The following CNTN5 variants were observed in gnomAD, a reference collection of about 807,000 sequenced individuals.
CNTN5 encodes contactin-5.
CNTN5 carries 77 observed loss-of-function variants against 129.1 expected under a neutral mutation model. The observed-to-expected ratio is 0.60, with a 90% CI of 0.50 to 0.72. CNTN5 has a LOEUF of 0.72. CNTN5 is among the 30% of genes least tolerant of loss of function. The pLI is 0.00. For synonymous variants in CNTN5, 509 were observed against 465.6 expected (o/e 1.09, Z -1.20); for missense variants, 1,478 against 1,328.8 (o/e 1.11, Z -1.75).
At chr11:99,405,124 T>A (rs1301970670) in intron 2 of CNTN5, among the ~76,000 whole-genome samples, 1 of 152,208 alleles carries the variant, frequency 6.6e-6, no homozygotes, top group African/African-American at 2.4e-5. Flanking sequence ...CATTTGTTTC[T>A]TTTCTCTTGC....
At chr11:99,588,973 A>G (rs1185719492) in intron 3 of CNTN5, among the ~76,000 whole-genome samples, 1 of 152,216 alleles carries the variant, frequency 6.6e-6, no homozygotes, top group Non-Finnish European at 1.5e-5. Context: ...TAGGCTTGAT[A>G]TTTTTGTGTA....
intron 2 of CNTN5, among the ~76,000 whole-genome samples, chr11:99,455,460 A>T (rs1270297826): frequency 6.6e-6 from 1 of 151,720 alleles, no homozygotes; most frequent in Non-Finnish European, 1.5e-5. Flanking sequence ...TAAAAAAAAC[A>T]TAAGAATTAT....
intron 2 of CNTN5, among the ~76,000 whole-genome samples, chr11:99,370,956 A>T (rs564480081): frequency 6.6e-6 from 1 of 152,278 alleles, no homozygotes; most frequent in South Asian, 2.1e-4. Context: ...TATTCGTGGC[A>T]CTTGATTTCC....
chr11:99,826,551 C>A lies in CNTN5; in HGVS notation c.277+6786C>A, dbSNP rs149879504. Among the ~76,000 whole-genome samples, 445 of 152,106 alleles carry A rather than the reference C, an allele frequency of 2.9e-3. 3 individuals carry two copies. Among genetic ancestry groups the A allele is most frequent in the Admixed American group, 7.3e-3 (112 of 15,272 alleles). ...TCAAATTTAACCTGTGTTGTATGAT[C>A]GGGTGAAGCAAAATTGAGGAAGTGA... On this transcript the variant is annotated intron_variant, in intron 4 of 24. Coordinates refer to ENST00000524871, the MANE Select transcript of CNTN5 (RefSeq NM_014361.4).
At chr11:99,934,898 G>GTGTGTGTGTA (rs1565693917) in intron 7 of CNTN5, among the ~76,000 whole-genome samples, 1 of 67,950 alleles carries the variant, frequency 1.5e-5, no homozygotes, top group Non-Finnish European at 2.5e-5. Flanking sequence ...GTGTGTGTGT[G>GTGTGTGTGTA]TATATATATA....
At chr11:100,101,161 A>G (rs1945210413) in intron 13 of CNTN5, among the ~76,000 whole-genome samples, 1 of 152,096 alleles carries the variant, frequency 6.6e-6, no homozygotes, top group African/African-American at 2.4e-5. Context: ...AAAAATGGAG[A>G]TTTGCATCAA....
intron 10 of CNTN5, among the ~76,000 whole-genome samples, chr11:100,068,011 C>T (rs930794256): frequency 6.6e-6 from 1 of 152,094 alleles, no homozygotes; most frequent in East Asian, 1.9e-4. Context: ...AATATTTTAA[C>T]TGTTCTTTCT....
chr11:99,425,004 CA>C (rs949664082), intron 2 of CNTN5, among the ~76,000 whole-genome samples: 2 of 152,142 alleles, frequency 1.3e-5, no homozygotes, highest in African/African-American at 4.8e-5. Flanking sequence ...AGAGGAAACC[CA>C]TAGTGGGTAG....
chr11:100,114,946 C>A (rs898534124), intron 13 of CNTN5, among the ~76,000 whole-genome samples: 4 of 151,850 alleles, frequency 2.6e-5, no homozygotes, highest in African/African-American at 9.7e-5. Context: ...TCCCACTCCA[C>A]TCCACCCACC....
intron 24 of CNTN5, among the ~76,000 whole-genome samples, chr11:100,351,656 G>A (rs1242938174): frequency 8.9e-4 from 64 of 72,220 alleles, no homozygotes; most frequent in African/African-American, 3.7e-3. Context: ...CGTAGAGATA[G>A]TAAAAAAAAA....
chr11:99,841,139 G>T (rs974878963), intron 4 of CNTN5, among the ~76,000 whole-genome samples: 1 of 152,016 alleles, frequency 6.6e-6, no homozygotes, highest in Non-Finnish European at 1.5e-5. Context: ...TTATGTTGAC[G>T]CACTGGCTTA....
intron 1 of CNTN5, among the ~76,000 whole-genome samples, chr11:99,171,274 C>A (rs1861136888): frequency 6.6e-6 from 1 of 152,138 alleles, no homozygotes; most frequent in Admixed American, 6.6e-5. Flanking sequence ...CTAGACCACA[C>A]ACAAAATTTG....
rs532724765 is a variant in CNTN5 at position 100,286,102 on chromosome 11, C to A, written c.2315-11523C>A. Among the ~76,000 whole-genome samples the A allele has an allele frequency of 2.6e-5, 4 of 152,328 alleles. No individual in the cohort carries two copies. The South Asian group carries it at 8.3e-4, about 32-fold the overall frequency. On this transcript the variant is annotated intron_variant, in intron 18 of 24. Coordinates refer to ENST00000524871, the MANE Select transcript of CNTN5 (RefSeq NM_014361.4). ...ATATCCCGCACCTGGCTGGGAGGGTCCTACGCCCACGGAGTCTCGCTGATT... is the reference window on the plus strand; with the variant it reads ...ATATCCCGCACCTGGCTGGGAGGGTACTACGCCCACGGAGTCTCGCTGATT...
intron 1 of CNTN5, among the ~76,000 whole-genome samples, chr11:99,066,810 G>A (rs1442472867): frequency 1.3e-5 from 2 of 152,106 alleles, no homozygotes; most frequent in Non-Finnish European, 2.9e-5. Flanking sequence ...ACTGAGCACA[G>A]CAGGAATACT....
At chr11:99,524,806 A>G (rs1164752967) in intron 2 of CNTN5, among the ~76,000 whole-genome samples, 1 of 152,108 alleles carries the variant, frequency 6.6e-6, no homozygotes, top group East Asian at 1.9e-4. Flanking sequence ...CCATCTCAAA[A>G]AAAAACAAAA....
intron 2 of CNTN5, among the ~76,000 whole-genome samples, chr11:99,463,147 A>AT (rs59230703): frequency 0.11 from 15,922 of 149,120 alleles, 969 homozygotes; most frequent in East Asian, 0.16. Flanking sequence ...AAATAAATAA[A>AT]AGTAAAAAAG....
intron 13 of CNTN5, among the ~76,000 whole-genome samples, chr11:100,190,147 A>G (rs1265600297): frequency 6.6e-6 from 1 of 152,150 alleles, no homozygotes; most frequent in Non-Finnish European, 1.5e-5. Flanking sequence ...ATATTATCAT[A>G]CTGCCATGGA....
chr11:99,058,448 T>TTA (rs1018071776), intron 1 of CNTN5, among the ~76,000 whole-genome samples: 4 of 152,052 alleles, frequency 2.6e-5, no homozygotes, highest in Admixed American at 6.6e-5. Context: ...CTGTTTACAT[T>TTA]TATATATATG....
chr11:99,300,253 G>A (rs1864576284), intron 1 of CNTN5, among the ~76,000 whole-genome samples: 1 of 151,926 alleles, frequency 6.6e-6, no homozygotes, highest in African/African-American at 2.4e-5. Context: ...TTGTCAGTAG[G>A]TTTGTCATAT....
Sources: allele counts gnomAD v4.1 joint callset (sites outside exome capture counted in the v4.1 genomes callset), GRCh38; gene constraint gnomAD v4.1.1; transcripts MANE v1.5; gene names NCBI Gene and HGNC (gene_info 2026-07-23, HGNC 2026-07-21).